Variants in NRXN3 observed in about 807,000 individuals in gnomAD.
NRXN3 encodes neurexin III.
A neutral mutation model predicts 137.6 loss-of-function variants in NRXN3; 32 were observed. The observed-to-expected ratio is 0.23, with a 90% CI of 0.18 to 0.31. The LOEUF (loss-of-function observed/expected upper bound fraction) is 0.31, where lower values mean the gene tolerates loss of function less well. Among genes scored for constraint, NRXN3 ranks in the 10% least tolerant of loss-of-function variants. The pLI is 1.00. For synonymous variants in NRXN3, 798 were observed against 784.5 expected (o/e 1.02, Z -0.29); for missense variants, 1,574 against 2,062.5 (o/e 0.76, Z 4.59).
chr14:79,853,673 T>C, intron 20 of NRXN3: 2 of 1,300,670 alleles, frequency 1.5e-6, no homozygotes, highest in South Asian at 1.3e-5. Context: ...TTCCTGCATC[T>C]TTCCTTCCCA....
intron 16 of NRXN3, among the ~76,000 whole-genome samples, chr14:79,563,489 T>C (rs1359236575): frequency 1.3e-5 from 2 of 152,072 alleles, no homozygotes; most frequent in Non-Finnish European, 1.5e-5. Flanking sequence ...ATATTTAACG[T>C]CCTGAAAATT....
intron 10 of NRXN3, among the ~76,000 whole-genome samples, chr14:78,896,377 T>TATA (rs2099174894): frequency 6.6e-6 from 1 of 151,886 alleles, no homozygotes; most frequent in Admixed American, 6.6e-5. Context: ...TGTAAAATAA[T>TATA]ATAATAATAA....
chr14:79,860,940 T>C, intron 20 of NRXN3: 2 of 741,342 alleles, frequency 2.7e-6, no homozygotes, highest in South Asian at 7.4e-5. Context: ...TCCAGATCTT[T>C]TTATTATAAT....
chr14:79,675,059 T>G (rs2098633284), intron 17 of NRXN3, among the ~76,000 whole-genome samples: 1 of 151,962 alleles, frequency 6.6e-6, no homozygotes, highest in Admixed American at 6.6e-5. Context: ...TTATTACCAT[T>G]TTAGAGATGA....
At chr14:79,747,093 A>C (rs1303368079) in intron 19 of NRXN3, among the ~76,000 whole-genome samples, 1 of 152,110 alleles carries the variant, frequency 6.6e-6, no homozygotes, top group African/African-American at 2.4e-5. Flanking sequence ...GAGACTTCAG[A>C]GCTCCCTACA....
intron 15 of NRXN3, among the ~76,000 whole-genome samples, chr14:79,157,468 C>G (rs1237214784): frequency 6.6e-6 from 1 of 151,766 alleles, no homozygotes; most frequent in Non-Finnish European, 1.5e-5. Context: ...CTGAGGCTTG[C>G]TTTTAAATCA....
At chr14:79,030,739 A>AT (rs1197373978) in intron 15 of NRXN3, among the ~76,000 whole-genome samples, 4 of 120,074 alleles carry the variant, frequency 3.3e-5, no homozygotes, top group African/African-American at 1.3e-4. Context: ...TCCTGATTTC[A>AT]TTTTGGTGTG....
At chr14:79,785,384 A>G (rs1272777296) in intron 19 of NRXN3, among the ~76,000 whole-genome samples, 1 of 152,020 alleles carries the variant, frequency 6.6e-6, no homozygotes, top group Non-Finnish European at 1.5e-5. Context: ...CTTCATGCTT[A>G]CTCTGTGTTC....
intron 4 of NRXN3, among the ~76,000 whole-genome samples, chr14:78,586,087 A>G (rs1197225726): frequency 6.6e-6 from 1 of 152,184 alleles, no homozygotes; most frequent in Non-Finnish European, 1.5e-5. Flanking sequence ...TTTTGTAAAT[A>G]AAGTTTAATT....
chr14:79,144,191 T>C (rs1334742800), intron 15 of NRXN3, among the ~76,000 whole-genome samples: 1 of 152,176 alleles, frequency 6.6e-6, no homozygotes, highest in Non-Finnish European at 1.5e-5. Flanking sequence ...TTGGACAACA[T>C]AGAAATTATG....
chr14:78,379,709 T>C (rs1178050747), intron 4 of NRXN3, among the ~76,000 whole-genome samples: 1 of 152,202 alleles, frequency 6.6e-6, no homozygotes, highest in African/African-American at 2.4e-5. Context: ...CCAGAATAAC[T>C]GCTCTCTCAG....
intron 4 of NRXN3, among the ~76,000 whole-genome samples, chr14:78,544,087 C>A (rs1047328327): frequency 1.3e-5 from 2 of 152,184 alleles, no homozygotes; most frequent in African/African-American, 4.8e-5. Flanking sequence ...TACTCAGATG[C>A]CCTGCAGGTT....
intron 19 of NRXN3, among the ~76,000 whole-genome samples, chr14:79,712,310 T>C (rs1603446502): frequency 6.6e-6 from 1 of 152,340 alleles, no homozygotes; most frequent in East Asian, 1.9e-4. Flanking sequence ...TTTCTCATGC[T>C]CTCCCTGCCC....
chr14:78,247,275 G>T (rs1261983337), intron 2 of NRXN3, among the ~76,000 whole-genome samples: 3 of 152,188 alleles, frequency 2.0e-5, no homozygotes, highest in African/African-American at 7.2e-5. Flanking sequence ...TCCCCGTTGG[G>T]TATATTCCCT....
intron 1 of NRXN3, among the ~76,000 whole-genome samples, chr14:78,183,117 G>A (rs1595677059): frequency 3.3e-5 from 5 of 152,258 alleles, no homozygotes; most frequent in Admixed American, 3.3e-4. Context: ...AACAAGGGAC[G>A]TCTTTAGGGC....
intron 19 of NRXN3, among the ~76,000 whole-genome samples, chr14:79,770,299 AC>A (rs2099072863): frequency 6.6e-6 from 1 of 152,164 alleles, no homozygotes; most frequent in African/African-American, 2.4e-5. Context: ...AGAACTCTCC[AC>A]CCCAAATCAA....
chr14:78,196,688 T>C (rs1244090468), intron 1 of NRXN3, among the ~76,000 whole-genome samples: 4 of 152,198 alleles, frequency 2.6e-5, no homozygotes, highest in Admixed American at 1.3e-4. Context: ...CCTGTCTTTA[T>C]GAAGCTCACA....
chr14:78,828,814 A>C (rs2098974042), intron 10 of NRXN3, among the ~76,000 whole-genome samples: 2 of 152,232 alleles, frequency 1.3e-5, no homozygotes. Flanking sequence ...GATTTGCATT[A>C]ACATTTGTGA....
rs1439003047 is a variant in NRXN3, at chr14:78,242,764, A to G, written c.-330A>G. On this transcript the variant is annotated 5_prime_UTR_variant, in exon 2 of 21. Coordinates refer to ENST00000335750, the MANE Select transcript of NRXN3 (RefSeq NM_001330195.2). ...AGTCAAGGCCTCCGGATCCACATGGATAGCTGAGATCTTTTCTTGGAGAAA... is the reference window on the plus strand; with the variant it reads ...AGTCAAGGCCTCCGGATCCACATGGGTAGCTGAGATCTTTTCTTGGAGAAA... 21 of 299,680 alleles carry G rather than the reference A, an allele frequency of 7.0e-5. No homozygotes were observed. The highest frequency in any genetic ancestry group is 9.9e-5 in the Non-Finnish European group (16 of 161,886). The allele number at this position is 299,680 out of a possible 1,614,324, so 18.6% of individuals were successfully genotyped here. A position where few individuals can be genotyped will look rare whatever the true frequency, so the allele number is the denominator to read the frequency against.
Sources: allele counts gnomAD v4.1 joint callset (sites outside exome capture counted in the v4.1 genomes callset), GRCh38; gene constraint gnomAD v4.1.1; transcripts MANE v1.5; gene names NCBI Gene and HGNC (gene_info 2026-07-23, HGNC 2026-07-21).